ZMAT4: variants seen among roughly 807,000 people sequenced by gnomAD.
ZMAT4 encodes the protein zinc finger matrin-type 4.
ZMAT4 carries 17 observed loss-of-function variants against 28.7 expected under a neutral mutation model. The ratio of observed to expected loss-of-function variants is 0.59; its 90% CI spans 0.41 to 0.89. The LOEUF is 0.89. Ranked by LOEUF, ZMAT4 falls within the 40% of genes least tolerant of loss-of-function variation. The pLI is 0.00. For missense variants in ZMAT4, 240 were observed against 283.8 expected (o/e 0.85, Z 1.11); for synonymous variants, 117 against 109.2 (o/e 1.07, Z -0.44).
chr8:40,822,233 G>A (rs1289140591), intron 2 of ZMAT4, among the ~76,000 whole-genome samples: 1 of 152,186 alleles, frequency 6.6e-6, no homozygotes, highest in African/African-American at 2.4e-5. Context: ...TGAAGTTTAT[G>A]AGCTTCTCAG....
intron 6 of ZMAT4, among the ~76,000 whole-genome samples, chr8:40,561,830 C>A (rs902780062): frequency 6.6e-6 from 1 of 152,070 alleles, no homozygotes; most frequent in Admixed American, 6.6e-5. Context: ...TTATGTATGG[C>A]CCAAGACAAT....
At chr8:40,639,908 A>G (rs1806946324) in intron 5 of ZMAT4, among the ~76,000 whole-genome samples, 1 of 152,170 alleles carries the variant, frequency 6.6e-6, no homozygotes, top group Non-Finnish European at 1.5e-5. Flanking sequence ...ACTAACCCAA[A>G]TAACTCCCTT....
intron 2 of ZMAT4, among the ~76,000 whole-genome samples, chr8:40,820,862 T>TGGGGTGG (rs1491290519): frequency 1.3e-5 from 2 of 148,770 alleles, no homozygotes; most frequent in African/African-American, 5.0e-5. Context: ...TATGTGTGTT[T>TGGGGTGG]GTGTGTTTAT....
chr8:40,572,859 A>T (rs1375525881), intron 6 of ZMAT4, among the ~76,000 whole-genome samples: 1 of 152,212 alleles, frequency 6.6e-6, no homozygotes, highest in African/African-American at 2.4e-5. Context: ...GGTTACTACC[A>T]GCAAAGAGCA....
chr8:40,615,002 T>C (rs1271343520), intron 5 of ZMAT4, among the ~76,000 whole-genome samples: 1 of 152,252 alleles, frequency 6.6e-6, no homozygotes, highest in African/African-American at 2.4e-5. Flanking sequence ...CTTTAGTTGA[T>C]GCAGTTTCTT....
intron 3 of ZMAT4, among the ~76,000 whole-genome samples, chr8:40,757,551 A>G (rs1812746846): frequency 6.6e-6 from 1 of 151,240 alleles, no homozygotes; most frequent in African/African-American, 2.4e-5. Context: ...GTGCCACTGC[A>G]CTCCAGGCTG....
At chr8:40,825,883 A>G (rs1336778397) in intron 1 of ZMAT4, among the ~76,000 whole-genome samples, 1 of 152,194 alleles carries the variant, frequency 6.6e-6, no homozygotes, top group Non-Finnish European at 1.5e-5. Flanking sequence ...TGCCCAACAG[A>G]GTTGCTTTAC....
At chr8:40,655,971 T>G (rs1217148709) in intron 5 of ZMAT4, among the ~76,000 whole-genome samples, 1 of 152,064 alleles carries the variant, frequency 6.6e-6, no homozygotes, top group Non-Finnish European at 1.5e-5. Flanking sequence ...TAATTAAAAT[T>G]TAAAATGTCT....
At chr8:40,834,455 T>C (rs1816404568) in intron 1 of ZMAT4, among the ~76,000 whole-genome samples, 1 of 152,178 alleles carries the variant, frequency 6.6e-6, no homozygotes, top group African/African-American at 2.4e-5. Flanking sequence ...AGATTTTCTA[T>C]GTGATTCACC....
chr8:40,584,601 A>C (rs1451684420), intron 5 of ZMAT4, among the ~76,000 whole-genome samples: 1 of 152,048 alleles, frequency 6.6e-6, no homozygotes, highest in Non-Finnish European at 1.5e-5. Context: ...CCACAAAGAC[A>C]ATTTGAATGA....
intron 5 of ZMAT4, among the ~76,000 whole-genome samples, chr8:40,662,355 C>T (rs1197881176): frequency 1.3e-5 from 2 of 152,102 alleles, no homozygotes; most frequent in African/African-American, 4.8e-5. Flanking sequence ...CATCTAATAA[C>T]AGAGAACAGT....
chr8:40,737,368 C>A (rs1391762399), intron 3 of ZMAT4, among the ~76,000 whole-genome samples: 2 of 151,958 alleles, frequency 1.3e-5, no homozygotes, highest in Non-Finnish European at 2.9e-5. Context: ...AGGATGAGAT[C>A]TCTGGGTGGG....
At chr8:40,675,445 C>A (rs1169042699) in intron 4 of ZMAT4, among the ~76,000 whole-genome samples, 1 of 152,142 alleles carries the variant, frequency 6.6e-6, no homozygotes, top group Non-Finnish European at 1.5e-5. Flanking sequence ...TCTAGCATCA[C>A]TAATAATGCA....
intron 6 of ZMAT4, among the ~76,000 whole-genome samples, chr8:40,580,070 T>A (rs1451102968): frequency 6.9e-6 from 1 of 145,676 alleles, no homozygotes; most frequent in Non-Finnish European, 1.5e-5. Flanking sequence ...TGGAGTGCAG[T>A]GGCCTGATCT....
At chr8:40,685,973 G>A (rs1809386675) in intron 4 of ZMAT4, among the ~76,000 whole-genome samples, 2 of 152,092 alleles carry the variant, frequency 1.3e-5, no homozygotes, top group Admixed American at 6.6e-5. Context: ...TGGGCAGACA[G>A]GACTGGGAAC....
In ZMAT4 at chr8:40,739,958, C is replaced by G. The variant is rs530139945; in HGVS notation, c.192+27683G>C. On this transcript the variant is annotated intron_variant, in intron 3 of 6. Transcript: ENST00000297737. ...ATGGTTTCCAGCTTCATCCATGTCCCTGAAAAGACATGAACTCATTCTTTT... is the reference window on the plus strand; with the variant it reads ...ATGGTTTCCAGCTTCATCCATGTCCGTGAAAAGACATGAACTCATTCTTTT... Among the ~76,000 whole-genome samples, 4 of 152,260 alleles carry G rather than the reference C, an allele frequency of 2.6e-5. No individual in the cohort carries two copies. The South Asian group carries it at 8.3e-4, about 32-fold the overall frequency.
chr8:40,545,215 CT>C (rs755852885), intron 6 of ZMAT4, among the ~76,000 whole-genome samples: 84 of 152,136 alleles, frequency 5.5e-4, no homozygotes, highest in Non-Finnish European at 7.9e-4. Flanking sequence ...CTAGTTGAGC[CT>C]TAAGATGATG....
chr8:40,804,603 G>C (rs1814995620), intron 2 of ZMAT4, among the ~76,000 whole-genome samples: 1 of 152,142 alleles, frequency 6.6e-6, no homozygotes, highest in Non-Finnish European at 1.5e-5. Flanking sequence ...CACTTTGGGA[G>C]GCCAAAGTGG....
At position 40,862,978 on chromosome 8, in the gene ZMAT4, A is replaced by AAAAG. The variant is rs200600161; in HGVS notation, c.-5+34701_-5+34704dup. Among the ~76,000 whole-genome samples, 54 of 152,210 alleles carry AAAAG rather than the reference A, an allele frequency of 3.5e-4. 1 individual carries two copies. The highest frequency in any genetic ancestry group is 1.0e-3 in the Admixed American group (16 of 15,288). On this transcript the variant is annotated intron_variant, in intron 1 of 6. Coordinates refer to ENST00000297737, the MANE Select transcript of ZMAT4 (RefSeq NM_024645.3). ...AGAACTTAAAATATAATTTAAAAAA[A>AAAAG]AAAGAAAGAAAGAAAGAAAGAACAG...
Sources: gnomAD v4.1 joint callset for allele counts (sites outside exome capture counted in the v4.1 genomes callset) on GRCh38, gnomAD v4.1.1 for gene constraint, MANE v1.5 for transcripts, NCBI Gene and HGNC (gene_info 2026-07-23, HGNC 2026-07-21) for gene names.